The following LRPPRC variants were observed in gnomAD, a reference collection of about 807,000 sequenced individuals.
LRPPRC encodes leucine rich pentatricopeptide repeat containing.
Under a neutral mutation model 180.3 loss-of-function variants are expected in LRPPRC, and 120 were observed. The ratio of observed to expected loss-of-function variants is 0.67; its 90% CI spans 0.57 to 0.77. The LOEUF (loss-of-function observed/expected upper bound fraction) is 0.77. LRPPRC is among the 30% of genes least tolerant of loss of function. The pLI is 0.00. For synonymous variants in LRPPRC, 723 were observed against 600.0 expected, an observed-to-expected ratio of 1.21 and a Z score of -3.00; for missense variants, 2,012 against 1,657.2, an observed-to-expected ratio of 1.21 and a Z score of -3.72.
intron 13 of LRPPRC, chr2:43,959,289 T>A (rs1027895642): frequency 1.1e-5 from 8 of 696,926 alleles, no homozygotes; most frequent in Admixed American, 2.1e-5. Flanking sequence ...ATACTCAATA[T>A]TTGACTCAAA....
intron 25 of LRPPRC, among the ~76,000 whole-genome samples, chr2:43,928,846 G>A (rs1055121884): frequency 4.6e-5 from 7 of 152,072 alleles, no homozygotes; most frequent in Non-Finnish European, 8.8e-5. Context: ...AGGGGTTAGA[G>A]TTTGACCATC....
intron 3 of LRPPRC, among the ~76,000 whole-genome samples, chr2:43,979,516 A>AT (rs1674210049): frequency 6.6e-6 from 1 of 152,212 alleles, no homozygotes; most frequent in Non-Finnish European, 1.5e-5. Flanking sequence ...ATCTGTACCT[A>AT]AATTCGAACA....
At chr2:43,917,682 A>G (rs184515501) in intron 29 of LRPPRC, among the ~76,000 whole-genome samples, 158 of 152,156 alleles carry the variant, frequency 1.0e-3, no homozygotes, top group Middle Eastern at 3.4e-3. Context: ...CCAGCTACTC[A>G]GGAGTCTGAG....
At chr2:43,980,644 A>G (rs148147334) in intron 2 of LRPPRC, among the ~76,000 whole-genome samples, 41 of 152,314 alleles carry the variant, frequency 2.7e-4, no homozygotes, top group Admixed American at 1.6e-3. Flanking sequence ...ATCTATGAAT[A>G]GAAAAGTTAG....
At position 43,948,407 on chromosome 2, in the gene LRPPRC, G is replaced by C. The variant is rs142730518; in HGVS notation, c.1842+5C>G. The C allele has an allele frequency of 3.8e-6, 6 of 1,590,534 alleles. No individual in the cohort carries two copies. In the East Asian group the frequency reaches 1.3e-4, roughly 36 times the overall value. On this transcript the variant is annotated splice_donor_5th_base_variant and intron_variant, in intron 17 of 37. Coordinates refer to ENST00000260665, the MANE Select transcript of LRPPRC (RefSeq NM_133259.4). ...GGCATTATATAGCAAAAAACGAAAT[G>C]GTACCATCTTCTCCAGCTGATGGAA... is the stretch of plus-strand genomic sequence containing the variant.
intron 8 of LRPPRC, 142 bp downstream of exon 8, chr2:43,974,471 GT>G: frequency 2.5e-6 from 2 of 801,450 alleles, no homozygotes; most frequent in Non-Finnish European, 2.1e-6. Context: ...ATTAACTCAT[GT>G]TTTTGGGCTT....
intron 1 of LRPPRC, among the ~76,000 whole-genome samples, chr2:43,989,211 C>G (rs183222865): frequency 1.5e-4 from 23 of 152,302 alleles, no homozygotes; most frequent in African/African-American, 5.5e-4. Context: ...CCTCTAAGAA[C>G]TGAATTCTCC....
At position 43,894,538 on chromosome 2, in the gene LRPPRC, A is replaced by AT; in HGVS notation, c.3985+6dup. ...TAAATAATATAGTCAAATTAAACTT[A>AT]TATTACCATAGCTTTTCATGAGGGA... On this transcript the variant is annotated splice_region_variant and intron_variant, in intron 36 of 37. Transcript: ENST00000260665. 7.6e-7 allele frequency: 1 copy of AT among 1,312,958 alleles called. No homozygotes were observed. The highest frequency in any genetic ancestry group is 1.7e-5 in the Admixed American group (1 of 59,530). The allele number at this position is 1,312,958 out of a possible 1,614,324, so 81.3% of individuals were successfully genotyped here.
At chr2:43,923,872 T>C (rs1205728140) in intron 27 of LRPPRC, among the ~76,000 whole-genome samples, 1 of 152,180 alleles carries the variant, frequency 6.6e-6, no homozygotes, top group Non-Finnish European at 1.5e-5. Context: ...AGTGGAATGT[T>C]AGTGCTCAAA....
At chr2:43,971,781 A>C (rs1263748605) in intron 11 of LRPPRC, among the ~76,000 whole-genome samples, 1 of 152,088 alleles carries the variant, frequency 6.6e-6, no homozygotes, top group East Asian at 1.9e-4. Context: ...AAGAAACTAT[A>C]AAGAATACAT....
intron 31 of LRPPRC, among the ~76,000 whole-genome samples, chr2:43,904,098 A>G (rs1462884868): frequency 6.6e-6 from 1 of 151,956 alleles, no homozygotes; most frequent in African/African-American, 2.4e-5. Flanking sequence ...GCACATTACC[A>G]TGCCTGGCTA....
intron 30 of LRPPRC, among the ~76,000 whole-genome samples, chr2:43,906,383 T>G (rs149914985): frequency 8.5e-4 from 129 of 152,282 alleles, no homozygotes; most frequent in African/African-American, 3.1e-3. Context: ...AGCTTAAGTT[T>G]GAAACAAAAC....
intron 34 of LRPPRC, among the ~76,000 whole-genome samples, chr2:43,898,083 A>AC (rs1670751815): frequency 2.0e-5 from 3 of 148,378 alleles, no homozygotes; most frequent in African/African-American, 7.8e-5. Flanking sequence ...AAAAAAAAAA[A>AC]AAAAACAAAG....
intron 17 of LRPPRC, 53 bp from the exon 18 acceptor site, chr2:43,948,252 T>C: frequency 9.5e-7 from 1 of 1,047,768 alleles, no homozygotes; most frequent in Non-Finnish European, 1.5e-6. Context: ...ACAACCAAAC[T>C]GAAATTTGTC....
At chr2:43,969,941 G>GT (rs2103696089) in intron 11 of LRPPRC, among the ~76,000 whole-genome samples, 1 of 152,230 alleles carries the variant, frequency 6.6e-6, no homozygotes, top group African/African-American at 2.4e-5. Flanking sequence ...CTCCCAAAGT[G>GT]TTGGGATTAC....
At chr2:43,994,085 T>A (rs1674909339) in intron 1 of LRPPRC, among the ~76,000 whole-genome samples, 1 of 151,964 alleles carries the variant, frequency 6.6e-6, no homozygotes, top group Non-Finnish European at 1.5e-5. Flanking sequence ...AAAGAAAATG[T>A]GGACCTTCCC....
In LRPPRC at chr2:43,887,405, G is replaced by C. The variant is rs1007014215; in HGVS notation, c.*1195C>G. The C allele has an allele frequency of 2.6e-5, 4 of 152,256 alleles. No homozygotes were observed. Among genetic ancestry groups the C allele is most frequent in the Non-Finnish European group, 4.4e-5 (3 of 68,108 alleles). The allele number at this position is 152,256 out of a possible 1,614,324, so 9.4% of individuals were successfully genotyped here. A position where few individuals can be genotyped will look rare whatever the true frequency, so the allele number is the denominator to read the frequency against. On this transcript the variant is annotated 3_prime_UTR_variant, in exon 38 of 38. Transcript: ENST00000260665. ...CTGCGGGCAGGTAGCAGATGCAGGA[G>C]AGAGAGTTCCACAAGACAGAAGGTC... is the stretch of plus-strand genomic sequence containing the variant.
rs111551833 is a variant in LRPPRC at position 43,974,538 on chromosome 2, A to ACT, written c.1009+75_1009+76insAG. On this transcript the variant is annotated intron_variant, in intron 8 of 37. Transcript: ENST00000260665. ...ACTCCCACAATGCCCATTGTTAGAA[A>ACT]ATGTCCTTTCCATCATGTAAGAATA... 14 of 1,098,884 alleles carry ACT rather than the reference A, an allele frequency of 1.3e-5. 1 individual carries two copies. Among genetic ancestry groups the ACT allele is most frequent in the African/African-American group, 1.6e-5 (1 of 63,892 alleles). The allele number at this position is 1,098,884 out of a possible 1,614,324, so 68.1% of individuals were successfully genotyped here.
At chr2:43,943,492 T>C (rs1471814900) in intron 23 of LRPPRC, among the ~76,000 whole-genome samples, 195 bp downstream of exon 23, 1 of 151,998 alleles carries the variant, frequency 6.6e-6, no homozygotes, top group African/African-American at 2.4e-5. Context: ...ACTATTCCAT[T>C]GATATGTAAA....
Sources: allele counts gnomAD v4.1 joint callset (sites outside exome capture counted in the v4.1 genomes callset), GRCh38; gene constraint gnomAD v4.1.1; transcripts MANE v1.5; gene names NCBI Gene and HGNC (gene_info 2026-07-23, HGNC 2026-07-21).